Variants in SV2C observed in about 807,000 individuals in gnomAD.
The protein encoded by SV2C is synaptic vesicle glycoprotein 2C, also known as solute carrier family 22 member B3.
In SV2C, 49 loss-of-function variants were observed where a neutral mutation model predicts 79.7. The ratio of observed to expected loss-of-function variants is 0.61; its 90% confidence interval spans 0.49 to 0.78. The LOEUF (loss-of-function observed/expected upper bound fraction) is 0.78. Among genes scored for constraint, SV2C ranks in the 30% least tolerant of loss-of-function variants. The pLI is 0.00. For missense variants in SV2C, 833 were observed against 912.9 expected, an observed-to-expected ratio of 0.91 and a Z score of 1.13; for synonymous variants, 334 against 333.2, an observed-to-expected ratio of 1.00 and a Z score of -0.03.
chr5:76,003,719 C>A, the SV2C span, among the ~76,000 whole-genome samples: 3 of 151,948 alleles, frequency 2.0e-5, no homozygotes, highest in Non-Finnish European at 4.4e-5. Context: ...AAGTGGTGAG[C>A]AAACTTAGTA....
At chr5:76,116,810 C>T (rs981240210) in intron 1 of SV2C, among the ~76,000 whole-genome samples, 19 of 152,170 alleles carry the variant, frequency 1.2e-4, no homozygotes, top group Admixed American at 6.5e-5. Context: ...GCTCCTTGAG[C>T]ATCTTCTTTC....
intron 4 of SV2C, among the ~76,000 whole-genome samples, chr5:76,249,418 C>T (rs370957553): frequency 6.6e-6 from 1 of 152,022 alleles, no homozygotes; most frequent in East Asian, 1.9e-4. Context: ...TAAAAAAAGA[C>T]CATGTGAAGT....
chr5:76,245,521 A>G lies in SV2C; in HGVS notation c.913+35634A>G, dbSNP rs549609536. The stretch of plus-strand genomic sequence containing the variant: ...CTACAAGAGACAATCAGATCAACCT[A>G]AGCTCAATACTTTTTTTATAAGTTC... On this transcript the variant is annotated intron_variant, in intron 4 of 12. Transcript: ENST00000502798. Among the ~76,000 whole-genome samples the G allele has an allele frequency of 2.0e-5, 3 of 152,312 alleles. No individual in the cohort carries two copies. The South Asian group carries it at 6.2e-4, about 32-fold the overall frequency.
At chr5:76,009,634 C>T in the SV2C span, among the ~76,000 whole-genome samples, 1 of 152,118 alleles carries the variant, frequency 6.6e-6, no homozygotes, top group Non-Finnish European at 1.5e-5. Context: ...GAGGCCATTT[C>T]CTAAGCAAAT....
chr5:75,915,844 T>A, the SV2C span, among the ~76,000 whole-genome samples: 1 of 152,112 alleles, frequency 6.6e-6, no homozygotes, highest in African/African-American at 2.4e-5. Context: ...ATGTGGGCCT[T>A]GAAGAGGGGC....
chr5:75,927,914 A>G, the SV2C span, among the ~76,000 whole-genome samples: 5 of 152,340 alleles, frequency 3.3e-5, no homozygotes, highest in African/African-American at 1.2e-4. Flanking sequence ...ACCAAAGACC[A>G]GGAAGTGTGG....
chr5:75,911,297 G>A, the SV2C span: 19 of 1,412,224 alleles, frequency 1.3e-5, no homozygotes, highest in Non-Finnish European at 1.8e-5. Flanking sequence ...AGAACCCTGA[G>A]CCCTTCAGGG....
the SV2C span, among the ~76,000 whole-genome samples, chr5:75,999,550 A>G: frequency 1.4e-4 from 22 of 152,208 alleles, no homozygotes; most frequent in African/African-American, 5.3e-4. Flanking sequence ...AGCCTATGGT[A>G]TAACTTCCAG....
At chr5:76,160,243 G>A (rs929283401) in intron 2 of SV2C, among the ~76,000 whole-genome samples, 9 of 151,890 alleles carry the variant, frequency 5.9e-5, no homozygotes, top group South Asian at 4.2e-4. Flanking sequence ...CAAAACATAC[G>A]GAATTTAAAG....
chr5:75,865,458 G>C, the SV2C span, among the ~76,000 whole-genome samples: 1 of 152,178 alleles, frequency 6.6e-6, no homozygotes, highest in Non-Finnish European at 1.5e-5. Flanking sequence ...GTGGGAATAG[G>C]GTGGAAAAGG....
At chr5:76,004,061 A>G in the SV2C span, among the ~76,000 whole-genome samples, 3 of 152,084 alleles carry the variant, frequency 2.0e-5, no homozygotes, top group Admixed American at 2.0e-4. Flanking sequence ...GGAAAAAAAA[A>G]AGGTTGATAA....
At chr5:76,194,678 A>C (rs1365282036) in intron 2 of SV2C, among the ~76,000 whole-genome samples, 1 of 152,244 alleles carries the variant, frequency 6.6e-6, no homozygotes, top group South Asian at 2.1e-4. Context: ...GTACTCAGCT[A>C]TCTGCAAAAC....
chr5:76,093,238 T>C (rs1242047928), intron 1 of SV2C, among the ~76,000 whole-genome samples: 1 of 152,148 alleles, frequency 6.6e-6, no homozygotes, highest in Admixed American at 6.5e-5. Flanking sequence ...CCCACTATCC[T>C]GACTTCAGTC....
chr5:76,039,253 T>G, the SV2C span, among the ~76,000 whole-genome samples: 1 of 152,188 alleles, frequency 6.6e-6, no homozygotes, highest in Admixed American at 6.5e-5. Context: ...TTCTTGACAT[T>G]TTGCTGTCCA....
At chr5:76,151,329 G>A (rs944313005) in intron 2 of SV2C, among the ~76,000 whole-genome samples, 5 of 152,216 alleles carry the variant, frequency 3.3e-5, no homozygotes, top group African/African-American at 1.2e-4. Context: ...GGAAACGTGG[G>A]TGGGACCTAC....
At chr5:75,880,508 A>G in the SV2C span, among the ~76,000 whole-genome samples, 2 of 152,220 alleles carry the variant, frequency 1.3e-5, no homozygotes, top group Non-Finnish European at 2.9e-5. Context: ...CAAGATCCCT[A>G]AAACATGAAC....
chr5:76,010,203 G>T, the SV2C span, among the ~76,000 whole-genome samples: 1 of 151,932 alleles, frequency 6.6e-6, no homozygotes, highest in Non-Finnish European at 1.5e-5. Flanking sequence ...GAGTGAACAG[G>T]CATCAGGCCC....
the SV2C span, among the ~76,000 whole-genome samples, chr5:76,001,437 C>A: frequency 7.2e-5 from 11 of 152,050 alleles, no homozygotes. Flanking sequence ...CCCATCTCTA[C>A]TGAAAATACA....
rs138335885 is a variant in SV2C, at chr5:76,175,164, G to A, written c.581-19755G>A. Among the ~76,000 whole-genome samples the A allele has an allele frequency of 1.1e-3, 172 of 152,304 alleles. 2 individuals carry two copies. The highest frequency in any genetic ancestry group is 2.0e-3 in the Admixed American group (31 of 15,306). ...AGTTCCCCAACCCCTACGCTGGCCTGGTGTTTAAGTCCAGTTTCCATGTTG... is the reference window on the plus strand; with the variant it reads ...AGTTCCCCAACCCCTACGCTGGCCTAGTGTTTAAGTCCAGTTTCCATGTTG... On this transcript the variant is annotated intron_variant, in intron 2 of 12. Coordinates refer to ENST00000502798, the MANE Select transcript of SV2C (RefSeq NM_014979.4).
Sources: gnomAD v4.1 joint callset for allele counts (sites outside exome capture counted in the v4.1 genomes callset) on GRCh38, gnomAD v4.1.1 for gene constraint, MANE v1.5 for transcripts, NCBI Gene and HGNC (gene_info 2026-07-23, HGNC 2026-07-21) for gene names.